Variants in COL20A1 observed in about 807,000 individuals in gnomAD.
COL20A1 encodes the protein collagen alpha-1(XX) chain.
Under a neutral mutation model 152.9 loss-of-function variants are expected in COL20A1, and 164 were observed. The observed-to-expected ratio is 1.07, with a 90% CI of 0.94 to 1.22. The LOEUF (loss-of-function observed/expected upper bound fraction) is 1.22. Among genes scored for constraint, COL20A1 ranks in the 50% most tolerant of loss-of-function variants. The pLI is 0.00. For synonymous variants in COL20A1, 864 were observed against 756.0 expected (o/e 1.14, Z -2.34); for missense variants, 1,873 against 1,744.8 (o/e 1.07, Z -1.31).
chr20:63,316,343 G>A (rs13042567), intron 20 of COL20A1, among the ~76,000 whole-genome samples: 1 of 152,044 alleles, frequency 6.6e-6, no homozygotes, highest in Non-Finnish European at 1.5e-5. Flanking sequence ...GGGGAGGGGT[G>A]GGGGGCGATG....
At chr20:63,329,287 TA>T in intron 34 of COL20A1, 1 of 421,670 alleles carries the variant, frequency 2.4e-6, no homozygotes, top group Non-Finnish European at 4.3e-6. Context: ...CTACTCAGAA[TA>T]AACGGCCCCC....
chr20:63,325,694 C>T lies in COL20A1; in HGVS notation c.3375C>T (p.Pro1125=), dbSNP rs547372435. 22 of 1,611,698 alleles carry T rather than the reference C, an allele frequency of 1.4e-5. No individual in the cohort carries two copies. Among genetic ancestry groups the T allele is most frequent in the East Asian group, 2.2e-5 (1 of 44,866 alleles). ...GCCACCCCGGCCACCAGGGCATCCC[C>T]GGGAGAGTTGGCCTCCAGGGACCAA... ...LQGHPGHQGI[P]GRVGLQGPKG... is the part of the protein sequence containing the mutation. Residue 1125 remains proline, a synonymous_variant, in exon 29 of 36, where the codon CCC becomes CCT. Coordinates refer to ENST00000358894, the MANE Select transcript of COL20A1 (RefSeq NM_020882.4).
Position 63,325,490 on chromosome 20 carries a change from T to C in COL20A1, c.3344T>C (p.Leu1115Ser), listed in dbSNP as rs1001561425. ...GEKGDHGLPG[L>S]QGHPGHQGIP... ...AAGGGAGACCATGGGCTTCCAGGCT[T>C]GCAGGTAGTGTGGCTGGGGCCAGGG... Residue 1115 changes from leucine (L) to serine (S), a missense_variant, in exon 28 of 36, where the codon TTG becomes TCG. Physicochemically the swap from Leu to Ser is moderately radical, Grantham distance 145. Coordinates refer to ENST00000358894, the MANE Select transcript of COL20A1 (RefSeq NM_020882.4). 3 of 1,611,790 alleles carry C rather than the reference T, an allele frequency of 1.9e-6. No homozygotes were observed. Among genetic ancestry groups the C allele is most frequent in the Non-Finnish European group, 2.5e-6 (3 of 1,179,268 alleles).
Position 63,306,193 on chromosome 20 carries a change from C to G in COL20A1, c.496+154C>G. On this transcript the variant is annotated intron_variant, in intron 5 of 35. Transcript: ENST00000358894. This position sits in a 1 kb window ranked among gnomAD's most constrained non-coding sequence, Gnocchi z 6.9. ...AAGTTCTTCCTCGTGTCTGACCACA[C>G]GGTCTCTGACCACGAGGCCGGGAAG... The G allele has an allele frequency of 3.4e-6, 2 of 588,618 alleles. No homozygotes were observed. Among genetic ancestry groups the G allele is most frequent in the Non-Finnish European group, 5.9e-6 (2 of 337,858 alleles). 36.5% of individuals were successfully genotyped at this position (588,618 alleles called of 1,614,324 possible). A position where few individuals can be genotyped will look rare whatever the true frequency, so the allele number is the denominator to read the frequency against.
chr20:63,323,956 C>T (rs1225008614), intron 27 of COL20A1, among the ~76,000 whole-genome samples: 3 of 152,236 alleles, frequency 2.0e-5, no homozygotes, highest in Non-Finnish European at 2.9e-5. Context: ...ATGATGTCTT[C>T]ATGATGTTGA....
Position 63,314,106 on chromosome 20 carries a change from T to G in COL20A1, c.2393T>G (p.Leu798Arg). ...SVPGARSHVTLPDLQAATKYR... is the reference protein window; with the variant it reads ...SVPGARSHVTRPDLQAATKYR... ...CCAGGAGCCAGGAGCCACGTGACAC[T>G]GCCCGACCTGCAGGCAGCCACGAAG... The change falls in exon 19 of 36, where the codon CTG becomes CGG. Residue 798 changes from leucine (L) to arginine (R), a missense_variant. Transcript: ENST00000358894. 6.2e-7 allele frequency: 1 copy of G among 1,612,716 alleles called. No individual in the cohort carries two copies. Among genetic ancestry groups the G allele is most frequent in the South Asian group, 1.1e-5 (1 of 91,006 alleles).
rs2123409419 is a variant in COL20A1 at position 63,314,212 on chromosome 20, A to G, written c.2488+11A>G. 1 of 1,553,050 alleles carries G rather than the reference A, an allele frequency of 6.4e-7. No homozygotes were observed. The highest frequency in any genetic ancestry group is 2.0e-5 in the Admixed American group (1 of 51,166). On this transcript the variant is annotated intron_variant, in intron 19 of 35. Transcript: ENST00000358894. ...CCACGGGCCAGACAGGTGAGTGGGCACCAAGACCCCAGACCCAGGTAGACC... is the reference window on the plus strand; with the variant it reads ...CCACGGGCCAGACAGGTGAGTGGGCGCCAAGACCCCAGACCCAGGTAGACC...
chr20:63,298,554 C>T (rs1404174069), intron 3 of COL20A1, among the ~76,000 whole-genome samples: 3 of 150,604 alleles, frequency 2.0e-5, no homozygotes. Context: ...TCTCACAGTG[C>T]TGGGATTACA....
chr20:63,316,987 G>A (rs965017875), intron 21 of COL20A1, among the ~76,000 whole-genome samples: 3 of 152,120 alleles, frequency 2.0e-5, no homozygotes, highest in African/African-American at 7.2e-5. Flanking sequence ...ACACGCAGGA[G>A]CCCCAGACTG....
Position 63,311,866 on chromosome 20 carries a change from C to A in COL20A1, c.1664-50C>A. Reference sequence around the variant, plus strand: ...GTCCCAGCCACTGCCCACCCTTGCCCCTGCCATGGAGGCCGCGTGCTGGCC... The same window carrying A: ...GTCCCAGCCACTGCCCACCCTTGCCACTGCCATGGAGGCCGCGTGCTGGCC... On this transcript the variant is annotated intron_variant, in intron 13 of 35. Transcript: ENST00000358894. The surrounding 1 kb of genome is among the most constrained non-coding windows in gnomAD (Gnocchi z 4.4). 6.6e-7 allele frequency: 1 copy of A among 1,508,090 alleles called. No homozygotes were observed. The highest frequency in any genetic ancestry group is 8.9e-7 in the Non-Finnish European group (1 of 1,129,130). 93.4% of individuals were successfully genotyped at this position (1,508,090 alleles called of 1,614,324 possible).
Position 63,311,748 on chromosome 20 carries a change from C to T in COL20A1, c.1663C>T (p.Pro555Ser), listed in dbSNP as rs376114513. The change falls in exon 13 of 36, where the codon CCC (proline) becomes TCC (serine). Residue 555 changes from proline (P) to serine (S), a missense_variant and splice_region_variant. Coordinates refer to ENST00000358894, the MANE Select transcript of COL20A1 (RefSeq NM_020882.4). This position sits in a 1 kb window ranked among gnomAD's most constrained non-coding sequence, Gnocchi z 4.4. ...SEARGIRART[P>S]TLAPPRHLGF... ...GGCCCGGGGCATCCGTGCCAGGACCCGTGAGTGCTCCAACCCCGGCTGCCT... is the reference window on the plus strand; with the variant it reads ...GGCCCGGGGCATCCGTGCCAGGACCTGTGAGTGCTCCAACCCCGGCTGCCT... The T allele has an allele frequency of 1.4e-5, 23 of 1,589,288 alleles. No individual in the cohort carries two copies. The South Asian group carries it at 1.9e-4, about 13-fold the overall frequency.
rs539788624 is a variant in COL20A1, at chr20:63,314,167, C to T, written c.2454C>T (p.Gly818=). The part of the protein sequence containing the change: ...RVLVSAIYAA[G]RSEAVSATGQ... Reference sequence around the variant, plus strand: ...TGGTCTCAGCTATCTATGCAGCAGGCAGGAGTGAGGCTGTGTCTGCCACGG... The same window carrying T: ...TGGTCTCAGCTATCTATGCAGCAGGTAGGAGTGAGGCTGTGTCTGCCACGG... The change falls in exon 19 of 36, where the codon GGC becomes GGT. Residue 818 remains glycine (G), a synonymous_variant. Coordinates refer to ENST00000358894, the MANE Select transcript of COL20A1 (RefSeq NM_020882.4). 6.3e-7 allele frequency: 1 copy of T among 1,583,208 alleles called. No homozygotes were observed. Among genetic ancestry groups the T allele is most frequent in the African/African-American group, 1.3e-5 (1 of 74,460 alleles).
At position 63,313,946 on chromosome 20, in the gene COL20A1, G is replaced by T; in HGVS notation, c.2358+55G>T. 2 of 1,588,504 alleles carry T rather than the reference G, an allele frequency of 1.3e-6. No homozygotes were observed. Among genetic ancestry groups the T allele is most frequent in the Non-Finnish European group, 1.7e-6 (2 of 1,166,986 alleles). ...CACCTCGTGGGGCCTCCTGGAAGGG[G>T]TATGGCCACACTGTCTGCGAAGGGT... On this transcript the variant is annotated intron_variant, in intron 18 of 35. Coordinates refer to ENST00000358894, the MANE Select transcript of COL20A1 (RefSeq NM_020882.4). The surrounding 1 kb of genome is among the most constrained non-coding windows in gnomAD (Gnocchi z 5.9).
chr20:63,310,468 G>A lies in COL20A1; in HGVS notation c.1351G>A (p.Glu451Lys). The part of the protein sequence containing the change: ...EYLVSVFPIY[E>K]GGVGEGLRGL... Reference sequence around the variant, plus strand: ...CCTGGTCTCCGTGTTCCCCATCTATGAGGGCGGGGTTGGCGAAGGCCTGCG... The same window carrying A: ...CCTGGTCTCCGTGTTCCCCATCTATAAGGGCGGGGTTGGCGAAGGCCTGCG... The change falls in exon 11 of 36, where the codon GAG (glutamate) becomes AAG (lysine). Residue 451 changes from glutamate to lysine, a missense_variant. By Grantham distance (56) the Glu-to-Lys change is moderately conservative (BLOSUM62 1). Transcript: ENST00000358894. 6.2e-7 allele frequency: 1 copy of A among 1,608,442 alleles called. No individual in the cohort carries two copies. The highest frequency in any genetic ancestry group is 8.5e-7 in the Non-Finnish European group (1 of 1,178,094).
Position 63,314,148 on chromosome 20 carries a change from C to A in COL20A1, c.2435C>A (p.Ser812Ter). ...QAATKYRVLV[S>*]AIYAAGRSEA... ...GCCACGAAGTACAGGGTCCTGGTCT[C>A]AGCTATCTATGCAGCAGGCAGGAGT... is the stretch of plus-strand genomic sequence containing the variant. Residue 812 changes from serine (S) to a stop codon, truncating the protein, a stop_gained, in exon 19 of 36, where the codon TCA becomes TAA. Coordinates refer to ENST00000358894, the MANE Select transcript of COL20A1 (RefSeq NM_020882.4). LOFTEE classifies it high-confidence loss of function. 1 of 1,600,898 alleles carries A rather than the reference C, an allele frequency of 6.2e-7. No homozygotes were observed. The highest frequency in any genetic ancestry group is 8.5e-7 in the Non-Finnish European group (1 of 1,174,166).
intron 3 of COL20A1, among the ~76,000 whole-genome samples, chr20:63,299,910 A>G (rs1300808483): frequency 6.6e-6 from 1 of 151,356 alleles, no homozygotes; most frequent in African/African-American, 2.4e-5. Flanking sequence ...GTGTGTATAT[A>G]TATATGTATA....
chr20:63,312,945 G>A lies in COL20A1; in HGVS notation c.2076+11G>A, dbSNP rs1351750332. The A allele has an allele frequency of 1.3e-6, 2 of 1,542,618 alleles. No homozygotes were observed. Among genetic ancestry groups the A allele is most frequent in the Middle Eastern group, 1.8e-4 (1 of 5,550 alleles). ...GGGAAGGCTCACGAGGTGGGCAGGG[G>A]TGGGTTTGTCCTTCCGAGGGGCCCC... is the stretch of plus-strand genomic sequence containing the variant. On this transcript the variant is annotated intron_variant, in intron 16 of 35. Coordinates refer to ENST00000358894, the MANE Select transcript of COL20A1 (RefSeq NM_020882.4).
rs3746373 is a variant in COL20A1, at chr20:63,307,491, C to T, written c.498C>T (p.Ala166=). ...CCTGACCCGCTCCCACCGCCCCAGC[C>T]GGCCCCCAGTTCCGCTGCCTGCCCC... is the stretch of plus-strand genomic sequence containing the variant. The part of the protein sequence containing the change: ...FTPSQDPRTP[A]GPQFRCLPPV... Residue 166 remains alanine, a splice_region_variant and synonymous_variant, in exon 6 of 36, where the codon GCC becomes GCT. Coordinates refer to ENST00000358894, the MANE Select transcript of COL20A1 (RefSeq NM_020882.4). 577 of 1,610,752 alleles carry T rather than the reference C, an allele frequency of 3.6e-4. 3 individuals are homozygous for T. Among genetic ancestry groups the T allele is most frequent in the South Asian group, 1.6e-3 (147 of 91,004 alleles).
intron 3 of COL20A1, 57 bp downstream of exon 3, chr20:63,298,077 A>C: frequency 7.9e-7 from 1 of 1,258,526 alleles, no homozygotes; most frequent in South Asian, 1.3e-5. Context: ...GAGGACAGTC[A>C]GTGTGGTGGC....
Sources: gnomAD v4.1 joint callset for allele counts (sites outside exome capture counted in the v4.1 genomes callset) on GRCh38, gnomAD v4.1.1 for gene constraint, Gnocchi (gnomAD v3.1) non-coding constraint, MANE v1.5 for transcripts, NCBI Gene and HGNC (gene_info 2026-07-23, HGNC 2026-07-21) for gene names.